GABRB1: variants seen among roughly 807,000 people sequenced by gnomAD.
GABRB1 encodes the protein gamma-aminobutyric acid type A receptor subunit beta1, also known as gamma-aminobutyric acid receptor subunit beta-1.
GABRB1 carries 17 observed loss-of-function variants against 51.6 expected under a neutral mutation model. The ratio of observed to expected loss-of-function variants is 0.33; its 90% CI spans 0.23 to 0.49. The LOEUF (loss-of-function observed/expected upper bound fraction) is 0.49. Ranked by LOEUF, GABRB1 falls within the 20% of genes least tolerant of loss-of-function variation. The pLI is 0.99. For synonymous variants in GABRB1, 247 were observed against 218.9 expected (o/e 1.13, Z -1.14); for missense variants, 410 against 600.6 (o/e 0.68, Z 3.32).
At chr4:47,148,926 T>C (rs986469233) in intron 3 of GABRB1, among the ~76,000 whole-genome samples, 2 of 152,002 alleles carry the variant, frequency 1.3e-5, no homozygotes, top group Non-Finnish European at 2.9e-5. Flanking sequence ...AAAAGCTATG[T>C]CCTAGGAGGA....
intron 3 of GABRB1, among the ~76,000 whole-genome samples, chr4:47,147,057 C>T (rs1010007732): frequency 1.3e-5 from 2 of 151,924 alleles, no homozygotes; most frequent in Non-Finnish European, 2.9e-5. Context: ...GGATAAGGCA[C>T]ATTTAAAATG....
rs1553874062 is a variant in GABRB1 at position 47,311,042 on chromosome 4, C to CA, written c.462-9084dup. 1.2e-4 allele frequency among the ~76,000 whole-genome samples: 11 copies of CA among 95,608 alleles called. No homozygotes were observed. In the South Asian group the frequency reaches 3.6e-3, roughly 32 times the overall value. The allele number at this position is 95,608 out of a possible 152,430, so 62.7% of individuals were successfully genotyped here. On this transcript the variant is annotated intron_variant, in intron 4 of 8. Coordinates refer to ENST00000295454, the MANE Select transcript of GABRB1 (RefSeq NM_000812.4). ...CACCACTGCACTCCAACCTGGGTAA[C>CA]AGAGAGCAACTCTGTCTCAAAAAAA...
rs536459956 is a variant in GABRB1 at position 47,032,580 on chromosome 4, C to T, written c.240+96C>T. The T allele has an allele frequency of 4.8e-5, 57 of 1,197,288 alleles. 1 individual carries two copies. In the South Asian group the frequency reaches 6.3e-4, roughly 13 times the overall value. 74.2% of individuals were successfully genotyped at this position (1,197,288 alleles called of 1,614,324 possible). A position where few individuals can be genotyped will look rare whatever the true frequency, so the allele number is the denominator to read the frequency against. ...CTGCGTTTCATTGGCGGTCACCTCGCCCCTGGCCCCTGAGGTCCCACTCCG... is the reference window on the plus strand; with the variant it reads ...CTGCGTTTCATTGGCGGTCACCTCGTCCCTGGCCCCTGAGGTCCCACTCCG... On this transcript the variant is annotated intron_variant, in intron 3 of 8. Transcript: ENST00000295454.
chr4:47,178,817 G>A (rs542223464), intron 4 of GABRB1, among the ~76,000 whole-genome samples: 1 of 152,190 alleles, frequency 6.6e-6, no homozygotes, highest in Non-Finnish European at 1.5e-5. Context: ...AACGATGGTT[G>A]AATGTAGCAT....
intron 3 of GABRB1, among the ~76,000 whole-genome samples, chr4:47,089,695 T>A (rs979537980): frequency 6.6e-6 from 1 of 152,202 alleles, no homozygotes; most frequent in African/African-American, 2.4e-5. Context: ...AATCAAAATA[T>A]TCAGATAATA....
At chr4:47,146,169 G>A (rs1044195416) in intron 3 of GABRB1, among the ~76,000 whole-genome samples, 1 of 151,924 alleles carries the variant, frequency 6.6e-6, no homozygotes, top group African/African-American at 2.4e-5. Context: ...TCAATTTTCT[G>A]TATCTTCCAG....
At chr4:47,419,546 T>C (rs1220731409) in intron 8 of GABRB1, among the ~76,000 whole-genome samples, 2 of 152,112 alleles carry the variant, frequency 1.3e-5, no homozygotes, top group African/African-American at 4.8e-5. Flanking sequence ...TTAGAATCAA[T>C]AGGGGGTCAG....
chr4:47,121,957 G>A (rs952928767), intron 3 of GABRB1, among the ~76,000 whole-genome samples: 2 of 151,772 alleles, frequency 1.3e-5, no homozygotes, highest in African/African-American at 4.8e-5. Context: ...AATTTGTTAG[G>A]CATGATCTTC....
chr4:47,229,682 G>A (rs930520678), intron 4 of GABRB1, among the ~76,000 whole-genome samples: 5 of 152,076 alleles, frequency 3.3e-5, no homozygotes, highest in African/African-American at 1.2e-4. Context: ...TTCAAGATGG[G>A]TCCAAAATGC....
intron 5 of GABRB1, among the ~76,000 whole-genome samples, chr4:47,398,492 T>C (rs1028068883): frequency 5.9e-5 from 9 of 152,206 alleles, no homozygotes; most frequent in African/African-American, 2.2e-4. Flanking sequence ...ACACTAAACA[T>C]GATGCTGGTT....
At chr4:47,187,367 T>C (rs1719224518) in intron 4 of GABRB1, among the ~76,000 whole-genome samples, 1 of 151,874 alleles carries the variant, frequency 6.6e-6, no homozygotes, top group Non-Finnish European at 1.5e-5. Flanking sequence ...TGGAACCAAC[T>C]GCATTTCAGC....
At chr4:47,350,208 T>TAGAG (rs1352652990) in intron 5 of GABRB1, among the ~76,000 whole-genome samples, 266 of 91,842 alleles carry the variant, frequency 2.9e-3, no homozygotes, top group Non-Finnish European at 3.7e-3. Context: ...TATATATATA[T>TAGAG]ATATATATAT....
chr4:47,259,259 C>T (rs922490941), intron 4 of GABRB1, among the ~76,000 whole-genome samples: 1 of 152,038 alleles, frequency 6.6e-6, no homozygotes. Context: ...GCACAGCTAC[C>T]CCAAAATTCT....
intron 4 of GABRB1, among the ~76,000 whole-genome samples, chr4:47,271,433 C>A (rs1722868816): frequency 6.6e-6 from 1 of 152,152 alleles, no homozygotes; most frequent in African/African-American, 2.4e-5. Flanking sequence ...AATTAACCTA[C>A]CTCATCTGCG....
chr4:47,132,715 G>A (rs1716480302), intron 3 of GABRB1, among the ~76,000 whole-genome samples: 2 of 152,328 alleles, frequency 1.3e-5, no homozygotes, highest in Admixed American at 6.5e-5. Context: ...GGTATTTGAT[G>A]AAGCTGGAAG....
intron 3 of GABRB1, among the ~76,000 whole-genome samples, chr4:47,036,349 T>C (rs1406751292): frequency 1.3e-5 from 2 of 152,192 alleles, no homozygotes; most frequent in Admixed American, 6.5e-5. Flanking sequence ...CAGTAACTGC[T>C]TGTCAGATTC....
At chr4:47,339,646 G>A (rs1303946765) in intron 5 of GABRB1, among the ~76,000 whole-genome samples, 2 of 151,076 alleles carry the variant, frequency 1.3e-5, no homozygotes, top group Non-Finnish European at 2.9e-5. Flanking sequence ...GTTCTATCAT[G>A]CTGATGGAGT....
At chr4:47,163,427 A>G (rs1718046719) in intron 4 of GABRB1, among the ~76,000 whole-genome samples, 1 of 152,020 alleles carries the variant, frequency 6.6e-6, no homozygotes, top group African/African-American at 2.4e-5. Flanking sequence ...TTGAGTGCCT[A>G]TTATCTGCCA....
chr4:47,175,419 T>C (rs1718653189), intron 4 of GABRB1, among the ~76,000 whole-genome samples: 1 of 152,090 alleles, frequency 6.6e-6, no homozygotes, highest in Admixed American at 6.6e-5. Flanking sequence ...CACACTATAG[T>C]TAGCACATAT....
Sources: gnomAD v4.1 joint callset for allele counts (sites outside exome capture counted in the v4.1 genomes callset) on GRCh38, gnomAD v4.1.1 for gene constraint, MANE v1.5 for transcripts, NCBI Gene and HGNC (gene_info 2026-07-23, HGNC 2026-07-21) for gene names.